The following N4BP1 variants were observed in gnomAD, a reference collection of about 807,000 sequenced individuals.
N4BP1 encodes NEDD4 binding protein 1.
A neutral mutation model predicts 70.9 loss-of-function variants in N4BP1; 21 were observed. The ratio of observed to expected loss-of-function variants is 0.30; its 90% CI spans 0.21 to 0.43. The LOEUF is 0.43. Among genes scored for constraint, N4BP1 ranks in the 20% least tolerant of loss-of-function variants. N4BP1 has a pLI of 1.00. For synonymous variants in N4BP1, 387 were observed against 394.6 expected (o/e 0.98, Z 0.23); for missense variants, 936 against 1,069.4 (o/e 0.88, Z 1.74).
chr16:48,605,560 T>C (rs1964566935), intron 1 of N4BP1, among the ~76,000 whole-genome samples: 1 of 152,184 alleles, frequency 6.6e-6, no homozygotes, highest in Non-Finnish European at 1.5e-5. Context: ...CCCCTCTCTC[T>C]GGGCCCCCTA....
At chr16:48,559,256 A>C (rs1262747633) in intron 2 of N4BP1, among the ~76,000 whole-genome samples, 1 of 152,166 alleles carries the variant, frequency 6.6e-6, no homozygotes, top group Non-Finnish European at 1.5e-5. Flanking sequence ...CAAAAATAAC[A>C]TTTATTTTTC....
At chr16:48,571,253 C>T (rs1399484941) in intron 1 of N4BP1, among the ~76,000 whole-genome samples, 1 of 152,170 alleles carries the variant, frequency 6.6e-6, no homozygotes, top group Non-Finnish European at 1.5e-5. Flanking sequence ...CATATCTCCT[C>T]CGTGGGCCAC....
chr16:48,606,674 G>A (rs539615425), intron 1 of N4BP1, among the ~76,000 whole-genome samples: 30 of 152,038 alleles, frequency 2.0e-4, no homozygotes, highest in Admixed American at 6.6e-4. Context: ...TTTCCATTTC[G>A]CCCCTCTGCA....
At chr16:48,581,248 T>TAC (rs745915790) in intron 1 of N4BP1, among the ~76,000 whole-genome samples, 1 of 145,084 alleles carries the variant, frequency 6.9e-6, no homozygotes, top group Non-Finnish European at 1.5e-5. Context: ...CTTTTCATGA[T>TAC]AAAAAAAAAA....
chr16:48,567,335 GAC>G (rs1169496586), intron 1 of N4BP1, among the ~76,000 whole-genome samples: 1 of 152,046 alleles, frequency 6.6e-6, no homozygotes, highest in Non-Finnish European at 1.5e-5. Flanking sequence ...TTCTTTGTGA[GAC>G]AGAGTCTTGC....
chr16:48,586,039 A>G (rs1964241296), intron 1 of N4BP1, among the ~76,000 whole-genome samples: 1 of 152,196 alleles, frequency 6.6e-6, no homozygotes, highest in Non-Finnish European at 1.5e-5. Flanking sequence ...AGTTGTCAGT[A>G]TAAGCATAAC....
rs998472938 is a variant in N4BP1 at position 48,609,728 on chromosome 16, C to G, written c.198+47G>C. 1.2e-5 allele frequency: 15 copies of G among 1,293,812 alleles called. No homozygotes were observed. In the African/African-American group the frequency reaches 2.2e-4, roughly 19 times the overall value. The allele number at this position is 1,293,812 out of a possible 1,614,324, so 80.1% of individuals were successfully genotyped here. A position where few individuals can be genotyped will look rare whatever the true frequency, so the allele number is the denominator to read the frequency against. ...GGGGAGGAGCGGGAGCCCGGAGACC[C>G]GGACCGATCGAGGCCGCGGGCGCGC... On this transcript the variant is annotated intron_variant, in intron 1 of 6. Coordinates refer to ENST00000262384, the MANE Select transcript of N4BP1 (RefSeq NM_153029.4).
intron 4 of N4BP1, among the ~76,000 whole-genome samples, chr16:48,550,970 G>A (rs1963657676): frequency 6.6e-6 from 1 of 151,816 alleles, no homozygotes; most frequent in Non-Finnish European, 1.5e-5. Context: ...TATCACAGTA[G>A]GGTCAGTTCA....
chr16:48,562,602 A>G (rs1488948862), intron 1 of N4BP1, among the ~76,000 whole-genome samples, 158 bp from the exon 2 acceptor site: 1 of 152,248 alleles, frequency 6.6e-6, no homozygotes, highest in East Asian at 1.9e-4. Context: ...AAACATTGAA[A>G]ATAACAGATA....
intron 1 of N4BP1, among the ~76,000 whole-genome samples, chr16:48,588,744 C>T (rs1284458189): frequency 1.3e-5 from 2 of 152,194 alleles, no homozygotes; most frequent in Non-Finnish European, 2.9e-5. Flanking sequence ...ACCACTAGCA[C>T]TTAATTTCAC....
At chr16:48,572,791 G>C (rs997264869) in intron 1 of N4BP1, among the ~76,000 whole-genome samples, 11 of 152,084 alleles carry the variant, frequency 7.2e-5, no homozygotes, top group African/African-American at 2.7e-4. Context: ...ATTAAGGGTA[G>C]ATATAAAACA....
At chr16:48,553,815 G>A in intron 2 of N4BP1, 146 bp from the exon 3 acceptor site, 1 of 694,026 alleles carries the variant, frequency 1.4e-6, no homozygotes, top group Non-Finnish European at 2.2e-6. Context: ...GCATTTAGTT[G>A]CACAAAGTTA....
At chr16:48,549,636 G>A (rs1963637234) in intron 4 of N4BP1, among the ~76,000 whole-genome samples, 2 of 152,012 alleles carry the variant, frequency 1.3e-5, no homozygotes, top group African/African-American at 4.8e-5. Context: ...ATCCTCTTTC[G>A]GCTCTTCCAT....
At chr16:48,553,031 C>T (rs1004470938) in intron 3 of N4BP1, among the ~76,000 whole-genome samples, 5 of 152,160 alleles carry the variant, frequency 3.3e-5, no homozygotes, top group African/African-American at 1.2e-4. Flanking sequence ...CCTATCATGA[C>T]CTATGACACA....
At chr16:48,606,787 T>C (rs114473962) in intron 1 of N4BP1, among the ~76,000 whole-genome samples, 2,095 of 152,274 alleles carry the variant, frequency 0.014, 49 homozygotes, top group African/African-American at 0.049. Context: ...AGCAAACCAC[T>C]TGGTGGGACA....
In N4BP1 at chr16:48,553,652, A is replaced by G. The variant is rs1336087496; in HGVS notation, c.1907T>C (p.Phe636Ser). 5.7e-6 allele frequency: 9 copies of G among 1,590,050 alleles called. No individual in the cohort carries two copies. The highest frequency in any genetic ancestry group is 7.7e-6 in the Non-Finnish European group (9 of 1,169,554). The change falls in exon 3 of 7, where the codon TTC becomes TCC. Residue 636 changes from phenylalanine (F) to serine (S), a missense_variant. This residue lies in a region of N4BP1 where 229 missense variants were observed against 343.5 expected (regional missense o/e 0.67). Coordinates refer to ENST00000262384, the MANE Select transcript of N4BP1 (RefSeq NM_153029.4). ...AATTGCAATTCCACGACAAGAAAAGAACTTTTTCAGACCATGGCTAGAAAT... is the reference window on the plus strand; with the variant it reads ...AATTGCAATTCCACGACAAGAAAAGGACTTTTTCAGACCATGGCTAGAAAT... The part of the protein sequence containing the change: ...NVAITHGLKK[F>S]FSCRGIAIAV...
At chr16:48,566,798 G>A (rs1244538038) in intron 1 of N4BP1, among the ~76,000 whole-genome samples, 1 of 152,168 alleles carries the variant, frequency 6.6e-6, no homozygotes, top group East Asian at 1.9e-4. Flanking sequence ...GTTGAGAGAA[G>A]GGTGTTGAAG....
chr16:48,553,798 A>AT, intron 2 of N4BP1, 129 bp from the exon 3 acceptor site: 2 of 834,618 alleles, frequency 2.4e-6, no homozygotes, highest in Non-Finnish European at 3.5e-6. Context: ...ATATTCTTAC[A>AT]TTTTTGGCAT....
At chr16:48,563,447 A>G (rs1909765) in intron 1 of N4BP1, among the ~76,000 whole-genome samples, 60,323 of 151,106 alleles carry the variant, frequency 0.4, 12,946 homozygotes, top group African/African-American at 0.55. Context: ...TGTTCTAGTC[A>G]CCCAGGCTGG....
Sources: gnomAD v4.1 joint callset for allele counts (sites outside exome capture counted in the v4.1 genomes callset) on GRCh38, gnomAD v4.1.1 for gene constraint, gnomAD v4.1.1 regional missense constraint, MANE v1.5 for transcripts, NCBI Gene and HGNC (gene_info 2026-07-23, HGNC 2026-07-21) for gene names.